HMG20A: variants seen among roughly 807,000 people sequenced by gnomAD.
HMG20A encodes the protein high mobility group protein 20A.
In HMG20A, 17 loss-of-function variants were observed where a neutral mutation model predicts 43.9. That is an observed-to-expected ratio of 0.39 (90% CI 0.27 to 0.58). HMG20A has a LOEUF of 0.58. Ranked by LOEUF, HMG20A falls within the 20% of genes least tolerant of loss-of-function variation. HMG20A has a pLI of 0.59. For synonymous variants in HMG20A, 132 were observed against 147.5 expected, an observed-to-expected ratio of 0.89 and a Z score of 0.76; for missense variants, 341 against 438.2, an observed-to-expected ratio of 0.78 and a Z score of 1.98.
chr15:77,452,085 A>C (rs1465072817), intron 1 of HMG20A, among the ~76,000 whole-genome samples: 2 of 152,370 alleles, frequency 1.3e-5, no homozygotes, highest in Middle Eastern at 3.4e-3. Context: ...CATAATCTGC[A>C]AAAGTGCCTT....
intron 1 of HMG20A, among the ~76,000 whole-genome samples, chr15:77,422,059 C>T (rs971448110): frequency 2.0e-5 from 3 of 152,032 alleles, no homozygotes; most frequent in South Asian, 2.1e-4. Flanking sequence ...ATATGTGAGG[C>T]GGTAATAAAC....
intron 1 of HMG20A, among the ~76,000 whole-genome samples, chr15:77,452,020 T>A (rs1454305727): frequency 2.0e-5 from 3 of 152,170 alleles, no homozygotes; most frequent in African/African-American, 7.2e-5. Context: ...TGAGGAAACA[T>A]TTAGAGAATA....
At position 77,452,765 on chromosome 15, in the gene HMG20A, G is replaced by A. The variant is rs528335457; in HGVS notation, c.-4-5639G>A. ...AAAAAAAGATAATTTGTACTTTAAA[G>A]TTAAAAACGTTTGTATTTCAAAGAC... On this transcript the variant is annotated intron_variant, in intron 1 of 9. Transcript: ENST00000336216. Among the ~76,000 whole-genome samples, 35 of 152,094 alleles carry A rather than the reference G, an allele frequency of 2.3e-4. 1 individual carries two copies. In the South Asian group the frequency reaches 4.6e-3, roughly 20 times the overall value.
chr15:77,471,950 T>C, intron 6 of HMG20A, 136 bp downstream of exon 6: 1 of 544,524 alleles, frequency 1.8e-6, no homozygotes, highest in Non-Finnish European at 3.2e-6. Flanking sequence ...ATGAGATACT[T>C]TAGCTTGGGG....
chr15:77,423,513 C>T (rs2073392829), intron 1 of HMG20A, among the ~76,000 whole-genome samples: 2 of 152,106 alleles, frequency 1.3e-5, no homozygotes, highest in South Asian at 2.1e-4. Flanking sequence ...CATTCCATTA[C>T]TTGCCATATA....
intron 1 of HMG20A, among the ~76,000 whole-genome samples, chr15:77,425,234 G>A (rs1162922444): frequency 5.3e-5 from 8 of 152,234 alleles, no homozygotes; most frequent in African/African-American, 1.2e-4. Context: ...TTTTTATTGC[G>A]TTGTTGTAGG....
At chr15:77,460,595 C>T (rs181840117) in intron 2 of HMG20A, among the ~76,000 whole-genome samples, 3 of 152,214 alleles carry the variant, frequency 2.0e-5, no homozygotes, top group Admixed American at 1.3e-4. Flanking sequence ...CATTCAAAGC[C>T]GTGAGACTGA....
the HMG20A span, among the ~76,000 whole-genome samples, chr15:77,499,458 G>A: frequency 6.6e-6 from 1 of 152,040 alleles, no homozygotes; most frequent in Non-Finnish European, 1.5e-5. Context: ...TGGAGAGCCT[G>A]GAATCCTACA....
At chr15:77,493,304 A>G in the HMG20A span, among the ~76,000 whole-genome samples, 4 of 152,138 alleles carry the variant, frequency 2.6e-5, no homozygotes, top group South Asian at 8.3e-4. Context: ...GACACTTAAA[A>G]TGAAAAACCA....
At chr15:77,486,100 T>C (rs2072944134), downstream of HMG20A, among the ~76,000 whole-genome samples, 1 of 152,238 alleles carries the variant, frequency 6.6e-6, no homozygotes, top group Non-Finnish European at 1.5e-5. Context: ...GTCAGCTCTT[T>C]TAATGTATGC....
At chr15:77,519,170 G>A in the HMG20A span, among the ~76,000 whole-genome samples, 1 of 152,210 alleles carries the variant, frequency 6.6e-6, no homozygotes, top group Non-Finnish European at 1.5e-5. Flanking sequence ...ATCTGGAAGA[G>A]GAAGCCCTGA....
At chr15:77,517,327 G>T in the HMG20A span, among the ~76,000 whole-genome samples, 1 of 152,108 alleles carries the variant, frequency 6.6e-6, no homozygotes, top group East Asian at 1.9e-4. Context: ...TGTGTTCCCA[G>T]TGCCCAGCAC....
Position 77,469,722 on chromosome 15 carries a change from C to T in HMG20A, c.451-1188C>T, listed in dbSNP as rs145373766. 3.6e-3 allele frequency among the ~76,000 whole-genome samples: 548 copies of T among 152,208 alleles called. 2 individuals are homozygous for T. The highest frequency in any genetic ancestry group is 0.011 in the African/African-American group (440 of 41,518). ...TTGCTCTGTCGCCCAAACTGGAGTG[C>T]GGTGGCACACTCTCGGCTCATTGCA... On this transcript the variant is annotated intron_variant, in intron 4 of 9. Coordinates refer to ENST00000336216, the MANE Select transcript of HMG20A (RefSeq NM_001304504.2).
intron 2 of HMG20A, among the ~76,000 whole-genome samples, chr15:77,460,681 C>T (rs1279736595): frequency 6.6e-6 from 1 of 151,886 alleles, no homozygotes; most frequent in African/African-American, 2.4e-5. Context: ...TGGGATACTC[C>T]ATCATTTAAA....
chr15:77,482,384 G>A (rs1489485624), intron 9 of HMG20A: 1 of 152,130 alleles, frequency 6.6e-6, no homozygotes, highest in Admixed American at 6.5e-5. Flanking sequence ...GGAGCTAGGA[G>A]GAGGCCATGA....
At chr15:77,470,778 C>T in intron 4 of HMG20A, 132 bp from the exon 5 acceptor site, 3 of 702,242 alleles carry the variant, frequency 4.3e-6, no homozygotes, top group Admixed American at 3.9e-5. Flanking sequence ...TTTTCTGATT[C>T]TTTTTTAAGG....
At chr15:77,475,866 G>A (rs1162359632) in intron 6 of HMG20A, among the ~76,000 whole-genome samples, 1 of 152,198 alleles carries the variant, frequency 6.6e-6, no homozygotes, top group Admixed American at 6.5e-5. Context: ...CTAGGAACTG[G>A]CTCGAGGTAG....
intron 1 of HMG20A, among the ~76,000 whole-genome samples, chr15:77,451,460 A>G (rs1044277740): frequency 6.6e-6 from 1 of 152,168 alleles, no homozygotes; most frequent in Non-Finnish European, 1.5e-5. Flanking sequence ...CCATTCTAAT[A>G]GGTTTGTAGT....
At chr15:77,425,638 G>A (rs2073419073) in intron 1 of HMG20A, among the ~76,000 whole-genome samples, 1 of 152,302 alleles carries the variant, frequency 6.6e-6, no homozygotes, top group Non-Finnish European at 1.5e-5. Context: ...TTTGAAGATG[G>A]TAGGTGTTTG....
Sources: allele counts gnomAD v4.1 joint callset (sites outside exome capture counted in the v4.1 genomes callset), GRCh38; gene constraint gnomAD v4.1.1; transcripts MANE v1.5; gene names NCBI Gene and HGNC (gene_info 2026-07-23, HGNC 2026-07-21).